The following ZC3H7B variants were observed in gnomAD, a reference collection of about 807,000 sequenced individuals.
ZC3H7B encodes the protein zinc finger CCCH domain-containing protein 7B.
ZC3H7B carries 35 observed loss-of-function variants against 116.0 expected under a neutral mutation model. That is an observed-to-expected ratio of 0.30 (90% CI 0.23 to 0.40). The LOEUF (loss-of-function observed/expected upper bound fraction) is 0.40, where lower values mean the gene tolerates loss of function less well. Ranked by LOEUF, ZC3H7B falls within the 10% of genes least tolerant of loss-of-function variation. The pLI is 1.00. For synonymous variants in ZC3H7B, 502 were observed against 545.6 expected (o/e 0.92, Z 1.11); for missense variants, 1,011 against 1,321.5 (o/e 0.77, Z 3.64).
intron 17 of ZC3H7B, among the ~76,000 whole-genome samples, chr22:41,354,259 G>C (rs2036686058): frequency 6.6e-6 from 1 of 152,226 alleles, no homozygotes; most frequent in Non-Finnish European, 1.5e-5. Flanking sequence ...TGTGAGAATG[G>C]AGGGGAACAC....
rs911002791 is a variant in ZC3H7B at position 41,327,660 on chromosome 22, C to T, written c.444+296C>T. On this transcript the variant is annotated intron_variant, in intron 5 of 22. Coordinates refer to ENST00000352645, the MANE Select transcript of ZC3H7B (RefSeq NM_017590.6). This position sits in a 1 kb window ranked among gnomAD's most constrained non-coding sequence, Gnocchi z 4.5. ...TGATGAGGCCAGACACAGTGGCTCA[C>T]GCCTGTAATCTCAGCACTTTCGGAG... Among the ~76,000 whole-genome samples the T allele has an allele frequency of 1.3e-5, 2 of 152,006 alleles. No individual in the cohort carries two copies. The highest frequency in any genetic ancestry group is 2.4e-5 in the African/African-American group (1 of 41,378).
In ZC3H7B at chr22:41,346,587, G is replaced by T. The variant is rs1374137031; in HGVS notation, c.1665+379G>T. On this transcript the variant is annotated intron_variant, in intron 14 of 22. Coordinates refer to ENST00000352645, the MANE Select transcript of ZC3H7B (RefSeq NM_017590.6). This position sits in a 1 kb window ranked among gnomAD's most constrained non-coding sequence, Gnocchi z 5.3. ...TCCCAGCACTTTGGGAGGCTGAGGC[G>T]GGCAAATCAATTGAGGTCAGGAGTT... 6.6e-6 allele frequency among the ~76,000 whole-genome samples: 1 copy of T among 151,754 alleles called. No homozygotes were observed.
intron 1 of ZC3H7B, among the ~76,000 whole-genome samples, chr22:41,307,120 C>T (rs949461974): frequency 9.9e-5 from 15 of 151,852 alleles, no homozygotes; most frequent in African/African-American, 2.2e-4. Context: ...ATTACAGGCA[C>T]GCACCACCAC....
chr22:41,308,872 C>A (rs1254895625), intron 1 of ZC3H7B, among the ~76,000 whole-genome samples: 1 of 152,126 alleles, frequency 6.6e-6, no homozygotes, highest in East Asian at 1.9e-4. Flanking sequence ...TTGTTCCCAC[C>A]TCAGGGCCAT....
intron 1 of ZC3H7B, among the ~76,000 whole-genome samples, chr22:41,319,379 C>T (rs2036225551): frequency 1.3e-5 from 2 of 151,750 alleles, no homozygotes; most frequent in African/African-American, 4.8e-5. Context: ...CCAGCCTGGG[C>T]GACAGAGCAG....
intron 6 of ZC3H7B, among the ~76,000 whole-genome samples, chr22:41,331,820 G>A (rs2036387703): frequency 1.3e-5 from 2 of 152,250 alleles, no homozygotes; most frequent in South Asian, 2.1e-4. Context: ...GCAGAGAGCC[G>A]AGATTGCATC....
At chr22:41,304,389 C>G (rs1470057010) in intron 1 of ZC3H7B, among the ~76,000 whole-genome samples, 1 of 147,930 alleles carries the variant, frequency 6.8e-6, no homozygotes, top group Non-Finnish European at 1.5e-5. Flanking sequence ...ATCTACCCAC[C>G]TCGGCCTCCC....
Position 41,346,079 on chromosome 22 carries a change from G to A in ZC3H7B, c.1536G>A (p.Trp512Ter). Reference protein sequence around the residue: ...FAYHQEEIDVWTEERKGTLNR... With the variant: ...FAYHQEEIDV ...ACCATCAGGAGGAGATCGACGTGTG[G>A]ACCGAGGAGCGGAAGGGCACCCTCA... is the stretch of plus-strand genomic sequence containing the variant. The change falls in exon 14 of 23, where the codon TGG becomes TGA. Residue 512 changes from tryptophan to a stop codon, truncating the protein, a stop_gained. Transcript: ENST00000352645. LOFTEE classifies it high-confidence loss of function. This position sits in a 1 kb window ranked among gnomAD's most constrained non-coding sequence, Gnocchi z 5.3. 1 of 1,614,012 alleles carries A rather than the reference G, an allele frequency of 6.2e-7. No individual in the cohort carries two copies. The highest frequency in any genetic ancestry group is 2.2e-5 in the East Asian group (1 of 44,888).
At chr22:41,332,465 A>C (rs2036395753) in intron 7 of ZC3H7B, 1 of 537,290 alleles carries the variant, frequency 1.9e-6, no homozygotes, top group Middle Eastern at 4.8e-4. Flanking sequence ...TGGCCAGGAC[A>C]CAGTCTGGGC....
chr22:41,319,208 T>C (rs1055844152), intron 1 of ZC3H7B, among the ~76,000 whole-genome samples: 4 of 152,130 alleles, frequency 2.6e-5, no homozygotes, highest in Admixed American at 2.6e-4. Context: ...GAGACCATCC[T>C]GGCTAACACG....
At chr22:41,356,088 GC>G in intron 20 of ZC3H7B, 26 bp downstream of exon 20, 1 of 1,541,868 alleles carries the variant, frequency 6.5e-7, no homozygotes, top group Non-Finnish European at 8.7e-7. Context: ...GGGCGGGCGG[GC>G]CCTCCCCCGG....
At chr22:41,314,631 A>G (rs2036157853) in intron 1 of ZC3H7B, among the ~76,000 whole-genome samples, 1 of 148,152 alleles carries the variant, frequency 6.7e-6, no homozygotes, top group Non-Finnish European at 1.5e-5. Context: ...ATTTTTTGAG[A>G]CGGAGTCTTG....
chr22:41,312,379 T>A (rs1458674325), intron 1 of ZC3H7B, among the ~76,000 whole-genome samples: 1 of 151,042 alleles, frequency 6.6e-6, no homozygotes, highest in Non-Finnish European at 1.5e-5. Flanking sequence ...GAGGCTGCAA[T>A]GAGCTGAGAT....
In ZC3H7B at chr22:41,355,773, C is replaced by T. The variant is rs368739995; in HGVS notation, c.2185C>T (p.Arg729Trp). The change falls in exon 19 of 23, where the codon CGG becomes TGG. Residue 729 changes from arginine (R) to tryptophan (W), a missense_variant. Transcript: ENST00000352645. ...KARHCWTKERRVLLVMSKAKR... is the reference protein window; with the variant it reads ...KARHCWTKERWVLLVMSKAKR... ...GTCCTGCAGCTGGACCAAGGAGCGG[C>T]GGGTCCTTCTGGTGATGTCCAAGGC... is the stretch of plus-strand genomic sequence containing the variant. The T allele has an allele frequency of 2.0e-5, 33 of 1,612,620 alleles. No homozygotes were observed. The highest frequency in any genetic ancestry group is 1.7e-4 in the African/African-American group (13 of 74,924).
At position 41,356,683 on chromosome 22, in the gene ZC3H7B, C is replaced by T. The variant is rs770701971; in HGVS notation, c.2556C>T (p.Asn852=). 1.4e-5 allele frequency: 23 copies of T among 1,613,602 alleles called. No homozygotes were observed. The highest frequency in any genetic ancestry group is 1.9e-5 in the Non-Finnish European group (22 of 1,180,014). ...GCTGGCTCTGCGGCAAGAACAGCAACAGCAAGAAGCAGTGGCAGCAGCACA... is the reference window on the plus strand; with the variant it reads ...GCTGGCTCTGCGGCAAGAACAGCAATAGCAAGAAGCAGTGGCAGCAGCACA... ...YHCWLCGKNS[N]SKKQWQQHIQ... is the part of the protein sequence containing the mutation. The change falls in exon 22 of 23, where the codon AAC becomes AAT. Residue 852 remains asparagine, a synonymous_variant. Coordinates refer to ENST00000352645, the MANE Select transcript of ZC3H7B (RefSeq NM_017590.6).
intron 5 of ZC3H7B, among the ~76,000 whole-genome samples, chr22:41,328,616 G>T (rs942203478): frequency 2.6e-5 from 4 of 152,184 alleles, no homozygotes; most frequent in Admixed American, 2.6e-4. Context: ...GGGCCCATCT[G>T]CCCTGTTCGC....
chr22:41,341,254 C>T (rs760606898), intron 11 of ZC3H7B, 108 bp downstream of exon 11: 132 of 1,301,506 alleles, frequency 1.0e-4, no homozygotes, highest in Non-Finnish European at 1.3e-4. Context: ...GCATTCCCCA[C>T]GGCGGGGCAC....
chr22:41,346,680 G>A lies in ZC3H7B; in HGVS notation c.1665+472G>A, dbSNP rs532377399. The stretch of plus-strand genomic sequence containing the variant: ...AAAATACAAAAATTAGCTGGGCGTT[G>A]TGGTGCACGCCTGTAGTCCCAGCTA... On this transcript the variant is annotated intron_variant, in intron 14 of 22. Transcript: ENST00000352645. The surrounding 1 kb of genome is among the most constrained non-coding windows in gnomAD (Gnocchi z 5.3). Among the ~76,000 whole-genome samples the A allele has an allele frequency of 2.0e-5, 3 of 152,288 alleles. No homozygotes were observed. Among genetic ancestry groups the A allele is most frequent in the Admixed American group, 6.5e-5 (1 of 15,302 alleles).
intron 17 of ZC3H7B, among the ~76,000 whole-genome samples, chr22:41,353,304 A>G (rs1052166789): frequency 6.6e-6 from 1 of 152,136 alleles, no homozygotes; most frequent in African/African-American, 2.4e-5. Flanking sequence ...GAGTGGGGCA[A>G]TTCCCAGGTT....
Sources: gnomAD v4.1 joint callset for allele counts (sites outside exome capture counted in the v4.1 genomes callset) on GRCh38, gnomAD v4.1.1 for gene constraint, Gnocchi (gnomAD v3.1) non-coding constraint, MANE v1.5 for transcripts, NCBI Gene and HGNC (gene_info 2026-07-23, HGNC 2026-07-21) for gene names.